SH3BGRL2: variants seen among roughly 807,000 people sequenced by gnomAD.
SH3BGRL2 encodes SH3 domain binding glutamate rich protein like 2, also known as SH3 domain-binding glutamic acid-rich-like protein 2.
Under a neutral mutation model 14.8 loss-of-function variants are expected in SH3BGRL2, and 21 were observed. The ratio of observed to expected loss-of-function variants is 1.42; its 90% CI spans 1.01 to 2.05. The LOEUF (loss-of-function observed/expected upper bound fraction) is 2.05, where lower values mean the gene tolerates loss of function less well. SH3BGRL2 is among the 30% of genes most tolerant of loss of function. The pLI is 0.00. For missense variants in SH3BGRL2, 147 were observed against 130.8 expected (o/e 1.12, Z -0.61); for synonymous variants, 50 against 47.8 (o/e 1.05, Z -0.19).
chr6:79,568,362 T>C, the SH3BGRL2 span, among the ~76,000 whole-genome samples: 1 of 152,198 alleles, frequency 6.6e-6, no homozygotes, highest in African/African-American at 2.4e-5. Context: ...AACTGTGGTA[T>C]ATTTATACAA....
the SH3BGRL2 span, among the ~76,000 whole-genome samples, chr6:79,600,139 C>T: frequency 2.1e-4 from 32 of 152,326 alleles, 1 homozygote; most frequent in South Asian, 6.2e-3. Flanking sequence ...TCAGCACAAG[C>T]ATTATTCTAT....
chr6:79,552,145 C>T, the SH3BGRL2 span, among the ~76,000 whole-genome samples: 1 of 152,114 alleles, frequency 6.6e-6, no homozygotes, highest in South Asian at 2.1e-4. Context: ...TCTCTGTAAC[C>T]TGGCAGGAGC....
the SH3BGRL2 span, among the ~76,000 whole-genome samples, chr6:79,601,781 C>T: frequency 2.6e-5 from 4 of 152,144 alleles, no homozygotes; most frequent in Admixed American, 6.5e-5. Flanking sequence ...ACATCATTCT[C>T]TCTGGGGGAA....
chr6:79,679,051 T>C (rs1769939605), intron 2 of SH3BGRL2, among the ~76,000 whole-genome samples: 1 of 152,226 alleles, frequency 6.6e-6, no homozygotes, highest in Non-Finnish European at 1.5e-5. Context: ...TCCATGTCTT[T>C]GCTATTGTGC....
chr6:79,545,841 G>C, the SH3BGRL2 span, among the ~76,000 whole-genome samples: 1,161 of 152,216 alleles, frequency 7.6e-3, 11 homozygotes, highest in African/African-American at 0.026. Flanking sequence ...CCTTGCTAAC[G>C]TGCTGTCATT....
At chr6:79,560,403 G>A in the SH3BGRL2 span, among the ~76,000 whole-genome samples, 434 of 152,298 alleles carry the variant, frequency 2.8e-3, 2 homozygotes, top group African/African-American at 1.0e-2. Context: ...GGAGTCAGGT[G>A]TGGTGGTGTG....
the SH3BGRL2 span, among the ~76,000 whole-genome samples, chr6:79,614,328 C>T: frequency 1.3e-5 from 2 of 152,004 alleles, no homozygotes; most frequent in African/African-American, 2.4e-5. Flanking sequence ...AGAACCAAAC[C>T]CATGGAAGTG....
intron 2 of SH3BGRL2, among the ~76,000 whole-genome samples, chr6:79,675,921 C>T (rs1292480015): frequency 6.6e-6 from 1 of 151,608 alleles, no homozygotes; most frequent in Non-Finnish European, 1.5e-5. Flanking sequence ...TGTTCATCCT[C>T]GTCTTTTGTT....
chr6:79,695,942 T>C (rs1011760801), intron 2 of SH3BGRL2, among the ~76,000 whole-genome samples: 2 of 152,214 alleles, frequency 1.3e-5, no homozygotes, highest in Non-Finnish European at 2.9e-5. Context: ...TTATAGAGAA[T>C]ATAGTTTCCT....
At chr6:79,602,749 C>T in the SH3BGRL2 span, among the ~76,000 whole-genome samples, 1 of 152,084 alleles carries the variant, frequency 6.6e-6, no homozygotes, top group African/African-American at 2.4e-5. Context: ...TAACTTTCAG[C>T]CTCATAATTG....
chr6:79,691,991 A>C (rs1329570168), intron 2 of SH3BGRL2, among the ~76,000 whole-genome samples: 3 of 151,904 alleles, frequency 2.0e-5, no homozygotes, highest in Admixed American at 1.3e-4. Context: ...AAGTGTTCCT[A>C]TTTCTCCACA....
At chr6:79,626,295 T>G in the SH3BGRL2 span, among the ~76,000 whole-genome samples, 1 of 152,156 alleles carries the variant, frequency 6.6e-6, no homozygotes, top group Non-Finnish European at 1.5e-5. Context: ...CGGGTGAGAC[T>G]TCAAACTGCT....
At chr6:79,597,659 T>C in the SH3BGRL2 span, among the ~76,000 whole-genome samples, 2 of 152,220 alleles carry the variant, frequency 1.3e-5, no homozygotes, top group Non-Finnish European at 2.9e-5. Context: ...TATAAAATTC[T>C]AGAAAGAAAA....
chr6:79,548,149 C>G, the SH3BGRL2 span, among the ~76,000 whole-genome samples: 1 of 152,064 alleles, frequency 6.6e-6, no homozygotes, highest in African/African-American at 2.4e-5. Context: ...GATTATAAGC[C>G]TGAGCCACCA....
At chr6:79,600,747 T>G in the SH3BGRL2 span, among the ~76,000 whole-genome samples, 1 of 152,306 alleles carries the variant, frequency 6.6e-6, no homozygotes, top group East Asian at 1.9e-4. Flanking sequence ...ATATAGACAC[T>G]GTCTATCTTC....
At chr6:79,676,527 A>G (rs555836928) in intron 2 of SH3BGRL2, among the ~76,000 whole-genome samples, 1 of 149,694 alleles carries the variant, frequency 6.7e-6, no homozygotes, top group South Asian at 2.1e-4. Flanking sequence ...AAGATCTTTC[A>G]CCATTTCTCT....
At chr6:79,614,722 T>A in the SH3BGRL2 span, among the ~76,000 whole-genome samples, 3 of 152,118 alleles carry the variant, frequency 2.0e-5, no homozygotes, top group Non-Finnish European at 4.4e-5. Context: ...TGATTCAAGC[T>A]GAGACAAACC....
At chr6:79,545,018 C>T in the SH3BGRL2 span, among the ~76,000 whole-genome samples, 1 of 152,162 alleles carries the variant, frequency 6.6e-6, no homozygotes, top group African/African-American at 2.4e-5. Flanking sequence ...TGCAGTGTCT[C>T]GGTCTCCCTC....
At chr6:79,583,909 G>C in the SH3BGRL2 span, among the ~76,000 whole-genome samples, 1 of 152,120 alleles carries the variant, frequency 6.6e-6, no homozygotes, top group Non-Finnish European at 1.5e-5. Context: ...ATTATGATGT[G>C]GGTATTGCTG....
Sources: allele counts gnomAD v4.1 joint callset (sites outside exome capture counted in the v4.1 genomes callset), GRCh38; gene constraint gnomAD v4.1.1; transcripts MANE v1.5; gene names NCBI Gene and HGNC (gene_info 2026-07-23, HGNC 2026-07-21).